The following LRP1B variants were observed in gnomAD, a reference collection of about 807,000 sequenced individuals.
LRP1B encodes the protein low-density lipoprotein receptor-related protein 1B.
A neutral mutation model predicts 556.6 loss-of-function variants in LRP1B; 217 were observed. That is an observed-to-expected ratio of 0.39 (90% CI 0.35 to 0.44). The LOEUF (loss-of-function observed/expected upper bound fraction) is 0.44, where lower values mean the gene tolerates loss of function less well. Ranked by LOEUF, LRP1B falls within the 20% of genes least tolerant of loss-of-function variation. LRP1B has a pLI of 1.00. For missense variants in LRP1B, 5,053 were observed against 5,620.8 expected (o/e 0.90, Z 3.23); for synonymous variants, 2,047 against 1,865.8 (o/e 1.10, Z -2.50).
In LRP1B at chr2:140,541,106, A is replaced by G. The variant is rs761779011; in HGVS notation, c.7388-8T>C. The G allele has an allele frequency of 6.2e-7, 1 of 1,602,424 alleles. No individual in the cohort carries two copies. Among genetic ancestry groups the G allele is most frequent in the South Asian group, 1.1e-5 (1 of 90,142 alleles). On this transcript the variant is annotated splice_polypyrimidine_tract_variant and splice_region_variant and intron_variant, in intron 44 of 90. Coordinates refer to ENST00000389484, the MANE Select transcript of LRP1B (RefSeq NM_018557.3). ...CACATGGAGAAAGTTCACCTACAATAAAGAGGGTGTATTGGTAACATTTTA... is the reference window on the plus strand; with the variant it reads ...CACATGGAGAAAGTTCACCTACAATGAAGAGGGTGTATTGGTAACATTTTA...
chr2:140,579,019 AAGGGGAACGAGGAGACGGAAC>A (rs966447425), intron 43 of LRP1B, among the ~76,000 whole-genome samples: 10 of 152,134 alleles, frequency 6.6e-5, no homozygotes, highest in Non-Finnish European at 1.5e-4. Flanking sequence ...CAAGGGAGAC[AAGGGGAACGAGGAGACGGAAC>A]AGGGGAACAA....
intron 1 of LRP1B, among the ~76,000 whole-genome samples, chr2:141,981,296 T>C (rs7575509): frequency 0.6 from 90,541 of 151,842 alleles, 27,580 homozygotes; most frequent in African/African-American, 0.7. Context: ...TAAACTTCTC[T>C]TAGGATTAGG....
intron 20 of LRP1B, among the ~76,000 whole-genome samples, chr2:140,939,513 T>G (rs926613410): frequency 6.8e-6 from 1 of 148,050 alleles, no homozygotes; most frequent in Admixed American, 6.8e-5. Context: ...TAAAATTATA[T>G]TATAAATATA....
intron 41 of LRP1B, among the ~76,000 whole-genome samples, chr2:140,650,314 TTTA>T (rs1559031605): frequency 0.029 from 15 of 516 alleles, no homozygotes; most frequent in Non-Finnish European, 0.062. Flanking sequence ...TTTATTTTTA[TTTA>T]TTTATTTATT....
chr2:141,378,696 G>T (rs972224070), intron 3 of LRP1B, among the ~76,000 whole-genome samples: 3 of 152,102 alleles, frequency 2.0e-5, no homozygotes, highest in East Asian at 1.9e-4. Flanking sequence ...CTGACAAAGA[G>T]AACTCATTAT....
chr2:141,182,616 A>G (rs1279688790), intron 7 of LRP1B, among the ~76,000 whole-genome samples: 1 of 151,964 alleles, frequency 6.6e-6, no homozygotes, highest in African/African-American at 2.4e-5. Flanking sequence ...ACTCAGGAGA[A>G]TGATTATTGG....
intron 6 of LRP1B, 31 bp downstream of exon 6, chr2:141,229,152 G>T (rs1683364834): frequency 6.2e-7 from 1 of 1,606,266 alleles, no homozygotes; most frequent in African/African-American, 1.3e-5. Flanking sequence ...TCAGTAAAGG[G>T]TGGCATATAA....
At chr2:141,846,727 A>C (rs1330369304) in intron 1 of LRP1B, among the ~76,000 whole-genome samples, 1 of 151,392 alleles carries the variant, frequency 6.6e-6, no homozygotes, top group African/African-American at 2.4e-5. Context: ...TAATGACCTA[A>C]AGTATCCATC....
intron 3 of LRP1B, among the ~76,000 whole-genome samples, chr2:141,339,299 G>C (rs1212668794): frequency 4.1e-5 from 2 of 48,788 alleles, no homozygotes; most frequent in African/African-American, 1.6e-4. Context: ...TTGGGGTAAC[G>C]CAAAAAAAAA....
intron 41 of LRP1B, 79 bp downstream of exon 41, chr2:140,700,171 T>C: frequency 8.1e-7 from 1 of 1,234,296 alleles, no homozygotes; most frequent in South Asian, 1.3e-5. Flanking sequence ...AATTGCTACA[T>C]GCAATTACCA....
chr2:140,858,522 GA>G (rs1369681902), intron 27 of LRP1B, among the ~76,000 whole-genome samples: 4 of 150,026 alleles, frequency 2.7e-5, no homozygotes, highest in African/African-American at 9.8e-5. Context: ...GAGAGAGAGA[GA>G]GAGAGAAAGG....
At chr2:140,942,646 A>T (rs1695434103) in intron 20 of LRP1B, among the ~76,000 whole-genome samples, 1 of 152,092 alleles carries the variant, frequency 6.6e-6, no homozygotes, top group African/African-American at 2.4e-5. Context: ...TAGTATTCTT[A>T]TAAGAAACAC....
chr2:141,671,403 C>T (rs769589742), intron 2 of LRP1B, among the ~76,000 whole-genome samples: 5 of 152,090 alleles, frequency 3.3e-5, no homozygotes, highest in Non-Finnish European at 7.4e-5. Flanking sequence ...AAGGGGAAAA[C>T]GCCAAGCAAG....
chr2:140,643,264 G>GT (rs1457840109), intron 41 of LRP1B, among the ~76,000 whole-genome samples: 2 of 151,710 alleles, frequency 1.3e-5, no homozygotes, highest in African/African-American at 2.4e-5. Flanking sequence ...TCTTTGAGTG[G>GT]TTTTTTTCAA....
intron 2 of LRP1B, among the ~76,000 whole-genome samples, chr2:141,587,996 T>C (rs2105289967): frequency 6.6e-6 from 1 of 152,350 alleles, no homozygotes; most frequent in Non-Finnish European, 1.5e-5. Flanking sequence ...TTCTAAATGC[T>C]AATACCTTAT....
At chr2:141,488,557 C>T (rs1295200284) in intron 2 of LRP1B, among the ~76,000 whole-genome samples, 3 of 152,064 alleles carry the variant, frequency 2.0e-5, no homozygotes, top group Non-Finnish European at 4.4e-5. Context: ...CTCCCTGGCT[C>T]AAGGTAACCT....
chr2:141,957,648 C>CA (rs1305084231), intron 1 of LRP1B, among the ~76,000 whole-genome samples: 1 of 151,948 alleles, frequency 6.6e-6, no homozygotes, highest in Admixed American at 6.6e-5. Context: ...TGAAAACCTC[C>CA]AGTTCTTGTT....
chr2:140,716,413 C>T (rs1381311574), intron 36 of LRP1B, among the ~76,000 whole-genome samples: 1 of 152,024 alleles, frequency 6.6e-6, no homozygotes, highest in Non-Finnish European at 1.5e-5. Context: ...CAAAAGAGAA[C>T]TTCTAACACT....
At chr2:140,934,002 T>A (rs1161079032) in intron 20 of LRP1B, among the ~76,000 whole-genome samples, 4 of 152,066 alleles carry the variant, frequency 2.6e-5, no homozygotes, top group Admixed American at 2.6e-4. Flanking sequence ...CCATTAATAA[T>A]TAACATTGTT....
Sources: allele counts gnomAD v4.1 joint callset (sites outside exome capture counted in the v4.1 genomes callset), GRCh38; gene constraint gnomAD v4.1.1; transcripts MANE v1.5; gene names NCBI Gene and HGNC (gene_info 2026-07-23, HGNC 2026-07-21).